The following RAB10 variants were observed in gnomAD, a reference collection of about 807,000 sequenced individuals.
RAB10 encodes the protein RAB10, member RAS oncogene family.
In RAB10, 5 loss-of-function variants were observed where a neutral mutation model predicts 25.7. The observed-to-expected ratio is 0.19, with a 90% CI of 0.10 to 0.41. RAB10 has a LOEUF of 0.41. RAB10 is among the 10% of genes least tolerant of loss of function. The pLI is 1.00. For synonymous variants in RAB10, 89 were observed against 86.4 expected (o/e 1.03, Z -0.16); for missense variants, 103 against 245.8 (o/e 0.42, Z 3.89).
intron 1 of RAB10, among the ~76,000 whole-genome samples, chr2:26,036,459 G>C (rs748493703): frequency 2.0e-5 from 3 of 152,112 alleles, no homozygotes; most frequent in Admixed American, 6.5e-5. Context: ...GGGAGGTCAA[G>C]ACCAGTTTGG....
intron 3 of RAB10, among the ~76,000 whole-genome samples, chr2:26,122,015 A>G (rs766112631): frequency 6.6e-6 from 1 of 152,166 alleles, no homozygotes; most frequent in Non-Finnish European, 1.5e-5. Context: ...AATACCATAA[A>G]CCTTGAATAA....
intron 5 of RAB10, 69 bp downstream of exon 5, chr2:26,128,020 G>A: frequency 7.6e-7 from 1 of 1,313,286 alleles, no homozygotes; most frequent in Non-Finnish European, 1.1e-6. Flanking sequence ...CTATTCTGAA[G>A]TACTGGATTT....
chr2:26,069,792 AC>A (rs1445002128), intron 1 of RAB10, among the ~76,000 whole-genome samples: 1 of 150,550 alleles, frequency 6.6e-6, no homozygotes, highest in Non-Finnish European at 1.5e-5. Context: ...TGCAGCCTTC[AC>A]CTCTCAGGTT....
At chr2:26,049,657 C>G (rs1393929916) in intron 1 of RAB10, among the ~76,000 whole-genome samples, 1 of 152,084 alleles carries the variant, frequency 6.6e-6, no homozygotes, top group Non-Finnish European at 1.5e-5. Flanking sequence ...GATCCTCTTG[C>G]CTCAGTCTGG....
chr2:26,124,199 AG>A (rs1324747821), intron 3 of RAB10, among the ~76,000 whole-genome samples: 1 of 151,986 alleles, frequency 6.6e-6, no homozygotes, highest in Non-Finnish European at 1.5e-5. Context: ...TTACTAATTA[AG>A]TGTTTGGGGA....
At chr2:26,054,646 T>G (rs1475565133) in intron 1 of RAB10, among the ~76,000 whole-genome samples, 1 of 152,352 alleles carries the variant, frequency 6.6e-6, no homozygotes, top group South Asian at 2.1e-4. Flanking sequence ...AGATTAAGCA[T>G]TTTTAAAACT....
intron 1 of RAB10, among the ~76,000 whole-genome samples, chr2:26,080,525 A>G (rs1007890877): frequency 2.0e-5 from 3 of 152,138 alleles, no homozygotes; most frequent in African/African-American, 7.2e-5. Flanking sequence ...AATTCTATGC[A>G]ATACCTAACC....
At chr2:26,098,981 T>A (rs1667285135) in intron 2 of RAB10, among the ~76,000 whole-genome samples, 1 of 152,236 alleles carries the variant, frequency 6.6e-6, no homozygotes, top group African/African-American at 2.4e-5. Flanking sequence ...TAAAGGGAGA[T>A]AGTAACACCC....
At chr2:26,051,863 C>A (rs1666142565) in intron 1 of RAB10, among the ~76,000 whole-genome samples, 1 of 151,318 alleles carries the variant, frequency 6.6e-6, no homozygotes, top group African/African-American at 2.4e-5. Flanking sequence ...CCAAGACCAG[C>A]CTGACCAACA....
At chr2:26,127,606 T>G (rs1286049869) in intron 4 of RAB10, among the ~76,000 whole-genome samples, 1 of 152,212 alleles carries the variant, frequency 6.6e-6, no homozygotes, top group African/African-American at 2.4e-5. Flanking sequence ...AGGTTGAGCT[T>G]CTCATAAGTT....
chr2:26,106,851 C>T (rs1425931394), intron 2 of RAB10, among the ~76,000 whole-genome samples: 1 of 152,148 alleles, frequency 6.6e-6, no homozygotes, highest in Non-Finnish European at 1.5e-5. Flanking sequence ...CACCACTGCA[C>T]TCCAGCCTGG....
intron 1 of RAB10, among the ~76,000 whole-genome samples, chr2:26,054,301 G>A (rs1456090752): frequency 6.6e-6 from 1 of 151,712 alleles, no homozygotes; most frequent in Non-Finnish European, 1.5e-5. Flanking sequence ...TGATCTGCCC[G>A]TCTTGGCCTC....
chr2:26,102,791 C>T (rs559569136), intron 2 of RAB10, among the ~76,000 whole-genome samples: 3 of 152,178 alleles, frequency 2.0e-5, no homozygotes, highest in South Asian at 4.1e-4. Context: ...TAGCTAAACA[C>T]CATTTTATTT....
At chr2:26,038,304 C>T (rs917896675) in intron 1 of RAB10, among the ~76,000 whole-genome samples, 1 of 151,440 alleles carries the variant, frequency 6.6e-6, no homozygotes, top group Admixed American at 6.6e-5. Context: ...TCAAGCGATT[C>T]TCCTGCCTCA....
At chr2:26,073,433 C>G (rs1412292601) in intron 1 of RAB10, among the ~76,000 whole-genome samples, 1 of 152,212 alleles carries the variant, frequency 6.6e-6, no homozygotes, top group Non-Finnish European at 1.5e-5. Flanking sequence ...TACTGGGCTT[C>G]CCACCATTGT....
intron 1 of RAB10, among the ~76,000 whole-genome samples, chr2:26,048,224 C>G (rs887164629): frequency 1.3e-5 from 2 of 151,924 alleles, no homozygotes; most frequent in Non-Finnish European, 2.9e-5. Flanking sequence ...GAATAAACAC[C>G]CAAAACTGCA....
At position 26,137,262 on chromosome 2, in the gene RAB10, A is replaced by G. The variant is rs1470305041; in HGVS notation, c.*2241A>G. The G allele has an allele frequency of 2.6e-5, 4 of 152,696 alleles. No homozygotes were observed. Among genetic ancestry groups the G allele is most frequent in the African/African-American group, 9.6e-5 (4 of 41,472 alleles). The allele number at this position is 152,696 out of a possible 1,614,324, so 9.5% of individuals were successfully genotyped here. On this transcript the variant is annotated 3_prime_UTR_variant, in exon 6 of 6. Coordinates refer to ENST00000264710, the MANE Select transcript of RAB10 (RefSeq NM_016131.5). ...ACATGAGTTTTATTTGCTTAATATT[A>G]GGGCTTTGCCCCTTTTCTGTAAGTC... is the stretch of plus-strand genomic sequence containing the variant.
chr2:26,068,675 T>A (rs192054751), intron 1 of RAB10, among the ~76,000 whole-genome samples: 266 of 152,326 alleles, frequency 1.7e-3, no homozygotes, highest in African/African-American at 6.2e-3. Flanking sequence ...CTGAGCCTCT[T>A]TCTTTATCTG....
intron 3 of RAB10, among the ~76,000 whole-genome samples, chr2:26,110,468 A>G (rs533220752): frequency 3.5e-4 from 54 of 152,306 alleles, no homozygotes; most frequent in African/African-American, 1.2e-3. Flanking sequence ...ATCTTACAAG[A>G]TGACCCCAAA....
Sources: gnomAD v4.1 joint callset for allele counts (sites outside exome capture counted in the v4.1 genomes callset) on GRCh38, gnomAD v4.1.1 for gene constraint, MANE v1.5 for transcripts, NCBI Gene and HGNC (gene_info 2026-07-23, HGNC 2026-07-21) for gene names.